The following STIM1 variants were observed in gnomAD, a reference collection of about 807,000 sequenced individuals.
The protein encoded by STIM1 is stromal interaction molecule 1.
In STIM1, 25 loss-of-function variants were observed where a neutral mutation model predicts 74.7. That is an observed-to-expected ratio of 0.33 (90% CI 0.24 to 0.47). The LOEUF (loss-of-function observed/expected upper bound fraction) is 0.47. STIM1 is among the 20% of genes least tolerant of loss of function. The pLI is 1.00. For missense variants in STIM1, 728 were observed against 920.8 expected (o/e 0.79, Z 2.71); for synonymous variants, 328 against 348.8 (o/e 0.94, Z 0.66).
intron 1 of STIM1, among the ~76,000 whole-genome samples, chr11:3,933,792 T>C (rs112956245): frequency 3.9e-5 from 6 of 152,164 alleles, no homozygotes; most frequent in South Asian, 2.1e-4. Context: ...TAGCTCTAAA[T>C]TTGGTGGGCT....
Position 4,083,290 on chromosome 11 carries a change from A to T in STIM1, c.1266A>T (p.Ala422=). Residue 422 remains alanine (A), a synonymous_variant, in exon 10 of 13, where the codon GCA becomes GCT. Coordinates refer to ENST00000526596, the MANE Select transcript of STIM1 (RefSeq NM_001382567.1). ...AAGCACTGAGCGAGGTGACAGCAGC[A>T]TTGCGGGAGCGCCTGCACCGCTGGC... is the stretch of plus-strand genomic sequence containing the variant. ...AKQALSEVTA[A]LRERLHRWQQ... The T allele has an allele frequency of 6.2e-7, 1 of 1,614,230 alleles. No individual in the cohort carries two copies. Among genetic ancestry groups the T allele is most frequent in the Non-Finnish European group, 8.5e-7 (1 of 1,180,042 alleles).
intron 5 of STIM1, among the ~76,000 whole-genome samples, chr11:4,060,639 T>A (rs529366654): frequency 6.6e-6 from 1 of 152,334 alleles, no homozygotes; most frequent in East Asian, 1.9e-4. Flanking sequence ...TAAGGCGTAG[T>A]CTCTGTATTG....
At chr11:3,913,441 G>A (rs1282517833) in intron 1 of STIM1, among the ~76,000 whole-genome samples, 1 of 152,014 alleles carries the variant, frequency 6.6e-6, no homozygotes, top group Non-Finnish European at 1.5e-5. Flanking sequence ...TCCCGCTTCA[G>A]CCTTCCAAAG....
chr11:4,000,268 G>A (rs1174053298), intron 2 of STIM1, among the ~76,000 whole-genome samples: 4 of 131,498 alleles, frequency 3.0e-5, no homozygotes, highest in Admixed American at 8.1e-5. Context: ...ATCTGAGAAT[G>A]GGCAGACTGC....
intron 1 of STIM1, among the ~76,000 whole-genome samples, chr11:3,954,715 T>G (rs1283756508): frequency 6.6e-6 from 1 of 152,126 alleles, no homozygotes; most frequent in Non-Finnish European, 1.5e-5. Flanking sequence ...GAATTCTGAG[T>G]GGTTCTTGAC....
At chr11:4,050,122 T>C (rs1462574407) in intron 3 of STIM1, among the ~76,000 whole-genome samples, 1 of 152,186 alleles carries the variant, frequency 6.6e-6, no homozygotes, top group African/African-American at 2.4e-5. Flanking sequence ...ACAAAAATTT[T>C]AGAATTCAGT....
At chr11:3,914,972 T>C (rs1039201913) in intron 1 of STIM1, among the ~76,000 whole-genome samples, 1 of 152,144 alleles carries the variant, frequency 6.6e-6, no homozygotes, top group Non-Finnish European at 1.5e-5. Context: ...GGGTGTGACA[T>C]GTTATCTCGT....
chr11:4,053,055 G>T (rs932334039), intron 3 of STIM1, among the ~76,000 whole-genome samples: 9 of 152,196 alleles, frequency 5.9e-5, no homozygotes, highest in African/African-American at 1.9e-4. Context: ...CAGTTAGAAT[G>T]GTGATCATTA....
intron 1 of STIM1, among the ~76,000 whole-genome samples, chr11:3,958,873 AG>A (rs1214693234): frequency 6.7e-6 from 1 of 150,280 alleles, no homozygotes; most frequent in Non-Finnish European, 1.5e-5. Context: ...TGAACCTGGG[AG>A]GCAGAGGTTG....
intron 11 of STIM1, among the ~76,000 whole-genome samples, chr11:4,085,576 A>G (rs1468658365): frequency 1.3e-5 from 2 of 152,248 alleles, no homozygotes; most frequent in African/African-American, 2.4e-5. Flanking sequence ...AAAAGCATCC[A>G]TAGTCCCACC....
chr11:3,924,755 A>G (rs924646675), intron 1 of STIM1, among the ~76,000 whole-genome samples: 3 of 152,172 alleles, frequency 2.0e-5, no homozygotes, highest in Non-Finnish European at 2.9e-5. Flanking sequence ...CAGTTGAAGC[A>G]GCTACTTTTT....
chr11:4,022,582 G>A (rs907620274), intron 2 of STIM1, among the ~76,000 whole-genome samples: 2 of 152,086 alleles, frequency 1.3e-5, no homozygotes, highest in African/African-American at 4.8e-5. Flanking sequence ...ACTTTTCCCT[G>A]TTCAATATAT....
chr11:3,873,445 CT>C lies in STIM1; in HGVS notation c.139+17048del, dbSNP rs796543610. On this transcript the variant is annotated intron_variant, in intron 1 of 12. Coordinates refer to ENST00000526596, the MANE Select transcript of STIM1 (RefSeq NM_001382567.1). ...AAAAAAAAAAAAAAAAAATTAAAAA[CT>C]TTTTTTTTTTTGTGGAGATGGATTT... Among the ~76,000 whole-genome samples the C allele has an allele frequency of 7.7e-3, 1,093 of 142,192 alleles. 15 individuals carry two copies. The highest frequency in any genetic ancestry group is 0.025 in the African/African-American group (971 of 38,772). The allele number at this position is 142,192 out of a possible 152,430, so 93.3% of individuals were successfully genotyped here. A position where few individuals can be genotyped will look rare whatever the true frequency, so the allele number is the denominator to read the frequency against.
chr11:3,859,395 G>T (rs945420331), intron 1 of STIM1, among the ~76,000 whole-genome samples: 29 of 152,134 alleles, frequency 1.9e-4, no homozygotes, highest in African/African-American at 6.5e-4. Flanking sequence ...TGCTACTCTG[G>T]GGCTTGCGTT....
At chr11:3,877,482 C>G (rs984452846) in intron 1 of STIM1, among the ~76,000 whole-genome samples, 2 of 152,098 alleles carry the variant, frequency 1.3e-5, no homozygotes, top group Admixed American at 1.3e-4. Context: ...GCTTTTGTAG[C>G]CAGCCGTCAA....
At chr11:3,879,948 A>G (rs2091439400) in intron 1 of STIM1, among the ~76,000 whole-genome samples, 1 of 152,146 alleles carries the variant, frequency 6.6e-6, no homozygotes, top group Admixed American at 6.5e-5. Context: ...TTCTGTGGCT[A>G]TTAGGATTAA....
chr11:4,075,150 C>CA (rs745546111), intron 7 of STIM1, among the ~76,000 whole-genome samples: 4 of 150,868 alleles, frequency 2.7e-5, no homozygotes, highest in African/African-American at 9.7e-5. Flanking sequence ...TCAAAAAAAA[C>CA]AAAAAAAGAA....
At chr11:4,018,594 A>T (rs2093925337) in intron 2 of STIM1, among the ~76,000 whole-genome samples, 1 of 145,612 alleles carries the variant, frequency 6.9e-6, no homozygotes, top group Non-Finnish European at 1.5e-5. Context: ...GCGGTGAGCC[A>T]GGTTTGTGCC....
chr11:3,905,722 A>G lies in STIM1; in HGVS notation c.139+49313A>G, dbSNP rs566149602. On this transcript the variant is annotated intron_variant, in intron 1 of 12. Transcript: ENST00000526596. Reference sequence around the variant, plus strand: ...AATGCAGAAACAGATGAGTTAAGAAACATTCAGCTAGTTAGTGGTGGAGCC... The same window carrying G: ...AATGCAGAAACAGATGAGTTAAGAAGCATTCAGCTAGTTAGTGGTGGAGCC... Among the ~76,000 whole-genome samples the G allele has an allele frequency of 2.0e-5, 3 of 152,346 alleles. No individual in the cohort carries two copies. In the East Asian group the frequency reaches 5.8e-4, roughly 29 times the overall value.
Sources: gnomAD v4.1 joint callset for allele counts (sites outside exome capture counted in the v4.1 genomes callset) on GRCh38, gnomAD v4.1.1 for gene constraint, MANE v1.5 for transcripts, NCBI Gene and HGNC (gene_info 2026-07-23, HGNC 2026-07-21) for gene names.